Variants in LAIR2 observed in about 807,000 individuals in gnomAD.
LAIR2 encodes leukocyte-associated immunoglobulin-like receptor 2.
LAIR2 carries 14 observed loss-of-function variants against 14.8 expected under a neutral mutation model. The observed-to-expected ratio is 0.95, with a 90% CI of 0.62 to 1.48. The LOEUF (loss-of-function observed/expected upper bound fraction) is 1.48. Among genes scored for constraint, LAIR2 ranks in the 40% most tolerant of loss-of-function variants. LAIR2 has a pLI of 0.00. For missense variants in LAIR2, 172 were observed against 180.9 expected (o/e 0.95, Z 0.28); for synonymous variants, 75 against 74.5 (o/e 1.01, Z -0.03).
intron 2 of LAIR2, among the ~76,000 whole-genome samples, chr19:54,504,924 T>C (rs2085337834): frequency 6.6e-6 from 1 of 152,234 alleles, no homozygotes; most frequent in South Asian, 2.1e-4. Context: ...TGAACTTTTT[T>C]AGATTCCACA....
Position 54,508,203 on chromosome 19 carries a change from C to T in LAIR2, c.364+19C>T. ...GTGAAAGGTGAGGACGTCACCTGGG[C>T]CCTGCCCCAGTCTCAGCTCGACCCT... On this transcript the variant is annotated intron_variant, in intron 3 of 4. Coordinates refer to ENST00000301202, the MANE Select transcript of LAIR2 (RefSeq NM_002288.6). The T allele has an allele frequency of 1.3e-6, 2 of 1,598,384 alleles. No homozygotes were observed. Among genetic ancestry groups the T allele is most frequent in the East Asian group, 2.2e-5 (1 of 44,766 alleles).
intron 2 of LAIR2, among the ~76,000 whole-genome samples, chr19:54,506,886 A>G (rs1306108193): frequency 3.9e-5 from 6 of 152,214 alleles, no homozygotes; most frequent in Non-Finnish European, 5.9e-5. Flanking sequence ...TAATCACAAT[A>G]TATCATACGC....
At chr19:54,503,390 G>A (rs894659556) in intron 1 of LAIR2, among the ~76,000 whole-genome samples, 3 of 152,054 alleles carry the variant, frequency 2.0e-5, no homozygotes, top group Non-Finnish European at 4.4e-5. Context: ...CCCGGGAGGT[G>A]GAGGTTGCAG....
chr19:54,503,121 T>A (rs2085304952), intron 1 of LAIR2, among the ~76,000 whole-genome samples, 169 bp downstream of exon 1: 1 of 152,116 alleles, frequency 6.6e-6, no homozygotes. Flanking sequence ...AGAGACAACC[T>A]TGTCCTAAAA....
At chr19:54,503,331 A>T (rs1046766415) in intron 1 of LAIR2, among the ~76,000 whole-genome samples, 3 of 151,974 alleles carry the variant, frequency 2.0e-5, no homozygotes, top group African/African-American at 7.3e-5. Context: ...GGTGGCGGGC[A>T]CCTGTAATCC....
intron 1 of LAIR2, 61 bp downstream of exon 1, chr19:54,503,013 T>G: frequency 6.7e-7 from 1 of 1,488,626 alleles, no homozygotes; most frequent in Non-Finnish European, 9.2e-7. Context: ...GAAAGTTCCC[T>G]GCTCAAGCCT....
In LAIR2 at chr19:54,503,728, G is replaced by A. The variant is rs1183228256; in HGVS notation, c.63G>A (p.Thr21=). The part of the protein sequence containing the change: ...LVLCLAQTIH[T]QEGALPRPSI... Reference sequence around the variant, plus strand: ...TCTGCCTGGCCCAGACCATCCACACGCAGGAGGGTAAGTCATGCCTTCGTC... The same window carrying A: ...TCTGCCTGGCCCAGACCATCCACACACAGGAGGGTAAGTCATGCCTTCGTC... Residue 21 remains threonine (T), a synonymous_variant, in exon 2 of 5, where the codon ACG becomes ACA. Coordinates refer to ENST00000301202, the MANE Select transcript of LAIR2 (RefSeq NM_002288.6). 16 of 1,613,866 alleles carry A rather than the reference G, an allele frequency of 9.9e-6. No individual in the cohort carries two copies. Among genetic ancestry groups the A allele is most frequent in the Admixed American group, 3.3e-5 (2 of 59,986 alleles).
At chr19:54,504,210 C>T (rs1289094284) in intron 2 of LAIR2, among the ~76,000 whole-genome samples, 3 of 151,818 alleles carry the variant, frequency 2.0e-5, no homozygotes, top group Admixed American at 6.6e-5. Context: ...ATGATCCGCC[C>T]GCCTCAGCCT....
chr19:54,506,556 C>G (rs1326419134), intron 2 of LAIR2, among the ~76,000 whole-genome samples: 2 of 152,088 alleles, frequency 1.3e-5, no homozygotes, highest in Non-Finnish European at 2.9e-5. Context: ...CCCACCTGTC[C>G]CCTAGATCCC....
At chr19:54,503,240 C>G (rs866292627) in intron 1 of LAIR2, among the ~76,000 whole-genome samples, 2 of 151,906 alleles carry the variant, frequency 1.3e-5, no homozygotes, top group Middle Eastern at 6.8e-3. Context: ...GCAGGTGGAT[C>G]ACCTGAGGTC....
chr19:54,508,659 C>T (rs147492020), intron 3 of LAIR2, among the ~76,000 whole-genome samples: 6,274 of 152,302 alleles, frequency 0.041, 62 homozygotes, highest in Middle Eastern at 0.061. Flanking sequence ...CTGACCAGGG[C>T]GGGACAGTGC....
intron 2 of LAIR2, 26 bp from the exon 3 acceptor site, chr19:54,507,865 G>A (rs370394339): frequency 2.7e-5 from 44 of 1,603,652 alleles, no homozygotes; most frequent in African/African-American, 4.0e-5. Flanking sequence ...AGTGGACGCT[G>A]AGATCCTTCT....
intron 2 of LAIR2, among the ~76,000 whole-genome samples, chr19:54,505,229 C>T (rs942284958): frequency 6.6e-6 from 1 of 152,264 alleles, no homozygotes; most frequent in African/African-American, 2.4e-5. Flanking sequence ...CAAGGCTGAA[C>T]CCGGCACTTT....
chr19:54,508,336 C>A, intron 3 of LAIR2, 152 bp downstream of exon 3: 1 of 743,354 alleles, frequency 1.3e-6, no homozygotes, highest in Non-Finnish European at 2.2e-6. Flanking sequence ...TCTTCCTCTG[C>A]ACACACCTCC....
Position 54,503,683 on chromosome 19 carries a change from T to G in LAIR2, c.35-17T>G. 1 of 1,613,936 alleles carries G rather than the reference T, an allele frequency of 6.2e-7. No individual in the cohort carries two copies. The highest frequency in any genetic ancestry group is 8.5e-7 in the Non-Finnish European group (1 of 1,179,894). On this transcript the variant is annotated splice_polypyrimidine_tract_variant and intron_variant, in intron 1 of 4. Transcript: ENST00000301202. ...ACTGGGCAGTGGGCATTTTTCTCAC[T>G]GGGGCTTCTCTTCCAGTGCTCTGCC... is the stretch of plus-strand genomic sequence containing the variant.
At chr19:54,510,216 T>C (rs1407068943) in intron 4 of LAIR2, among the ~76,000 whole-genome samples, 403 of 141,136 alleles carry the variant, frequency 2.9e-3, no homozygotes, top group African/African-American at 0.011. Context: ...TCCTTCTCTC[T>C]TCTCTCACCT....
At chr19:54,507,402 A>G (rs1023454305) in intron 2 of LAIR2, among the ~76,000 whole-genome samples, 4 of 151,928 alleles carry the variant, frequency 2.6e-5, no homozygotes, top group African/African-American at 4.8e-5. Context: ...CAGACCCTCA[A>G]AGGAGCCTGG....
At position 54,510,523 on chromosome 19, in the gene LAIR2, C is replaced by G; in HGVS notation, c.416-3C>G. 1 of 1,612,482 alleles carries G rather than the reference C, an allele frequency of 6.2e-7. No individual in the cohort carries two copies. The highest frequency in any genetic ancestry group is 8.5e-7 in the Non-Finnish European group (1 of 1,178,784). ...ATACTGAGGAAGTATTTTGTCCTCA[C>G]AGGGACTGTGCCAGGCACTGAAGCC... On this transcript the variant is annotated splice_polypyrimidine_tract_variant and splice_region_variant and intron_variant, in intron 4 of 4. Transcript: ENST00000301202.
At chr19:54,504,312 C>A (rs537050754) in intron 2 of LAIR2, among the ~76,000 whole-genome samples, 1 of 151,846 alleles carries the variant, frequency 6.6e-6, no homozygotes, top group African/African-American at 2.4e-5. Flanking sequence ...TTGTGGGGCA[C>A]GATGTGATGT....
Sources: allele counts gnomAD v4.1 joint callset (sites outside exome capture counted in the v4.1 genomes callset), GRCh38; gene constraint gnomAD v4.1.1; transcripts MANE v1.5; gene names NCBI Gene and HGNC (gene_info 2026-07-23, HGNC 2026-07-21).